Variants in ARHGAP6 observed in about 807,000 individuals in gnomAD.
ARHGAP6 encodes rho GTPase-activating protein 6.
ARHGAP6 carries 16 observed loss-of-function variants against 55.7 expected under a neutral mutation model. The observed-to-expected ratio is 0.29, with a 90% CI of 0.19 to 0.44. The LOEUF is 0.44. Ranked by LOEUF, ARHGAP6 falls within the 20% of genes least tolerant of loss-of-function variation. The probability of loss-of-function intolerance (pLI) is 1.00; values close to 1 mark genes in which losing one functional copy is unlikely to be tolerated. For missense variants in ARHGAP6, 698 were observed against 808.9 expected, an observed-to-expected ratio of 0.86 and a Z score of 1.66; for synonymous variants, 382 against 360.9, an observed-to-expected ratio of 1.06 and a Z score of -0.66.
chrX:11,170,160 C>G (rs1278906855), intron 8 of ARHGAP6, among the ~76,000 whole-genome samples: 5 of 111,586 alleles, frequency 4.5e-5, no homozygotes, highest in African/African-American at 1.6e-4. Context: ...TTAAAGGTCT[C>G]TCATTCTAGG....
chrX:11,257,144 T>A (rs1343778863), intron 1 of ARHGAP6, among the ~76,000 whole-genome samples: 1 of 111,772 alleles, frequency 8.9e-6, no homozygotes, highest in Non-Finnish European at 1.9e-5. Context: ...GGGAATTTTT[T>A]TTATTATTAT....
chrX:11,520,741 A>C (rs1399418919), intron 1 of ARHGAP6, among the ~76,000 whole-genome samples: 1 of 111,624 alleles, frequency 9.0e-6, no homozygotes, highest in African/African-American at 3.3e-5. Flanking sequence ...CGCCACACTG[A>C]CTTCCACAGT....
intron 1 of ARHGAP6, among the ~76,000 whole-genome samples, chrX:11,391,997 G>A (rs1255500272): frequency 8.9e-6 from 1 of 112,125 alleles, no homozygotes; most frequent in East Asian, 2.8e-4. Context: ...GTTGTAAGCT[G>A]GGTGCTATGT....
chrX:11,358,485 C>CT (rs1555998517), intron 1 of ARHGAP6, among the ~76,000 whole-genome samples: 91 of 39,480 alleles, frequency 2.3e-3, no homozygotes, highest in East Asian at 5.2e-3. Flanking sequence ...TTCTTTCTTT[C>CT]TTTTTTTTTT....
At chrX:11,662,023 G>C (rs2052708463) in intron 1 of ARHGAP6, among the ~76,000 whole-genome samples, 1 of 112,150 alleles carries the variant, frequency 8.9e-6, no homozygotes, top group South Asian at 3.7e-4. Context: ...CCAAGGCTGA[G>C]AAACCCTGAG....
intron 2 of ARHGAP6, among the ~76,000 whole-genome samples, chrX:11,231,900 T>C (rs1404096286): frequency 1.8e-5 from 2 of 112,311 alleles, no homozygotes; most frequent in Admixed American, 1.9e-4. Flanking sequence ...ACAATGATGG[T>C]GAGAAGGTTA....
chrX:11,637,041 T>C (rs1328642538), intron 1 of ARHGAP6, among the ~76,000 whole-genome samples: 1 of 111,692 alleles, frequency 9.0e-6, no homozygotes, highest in Non-Finnish European at 1.9e-5. Flanking sequence ...ACATCCAAGT[T>C]GAAATACCTA....
intron 1 of ARHGAP6, among the ~76,000 whole-genome samples, chrX:11,499,966 A>G (rs2050659960): frequency 8.9e-6 from 1 of 112,481 alleles, no homozygotes; most frequent in Non-Finnish European, 1.9e-5. Context: ...AGACTGATTC[A>G]GATACCTAGG....
At chrX:11,363,672 C>A (rs904194838) in intron 1 of ARHGAP6, among the ~76,000 whole-genome samples, 1 of 111,986 alleles carries the variant, frequency 8.9e-6, no homozygotes, top group African/African-American at 3.2e-5. Context: ...ATATCAATGA[C>A]AAATCATTGA....
intron 1 of ARHGAP6, among the ~76,000 whole-genome samples, chrX:11,320,140 T>C (rs1016055935): frequency 2.7e-5 from 3 of 111,848 alleles, no homozygotes; most frequent in Non-Finnish European, 5.6e-5. Context: ...GCTCTGTGGA[T>C]GCCTCTTCAT....
intron 1 of ARHGAP6, among the ~76,000 whole-genome samples, chrX:11,407,689 G>A (rs1331333299): frequency 9.0e-6 from 1 of 111,476 alleles, no homozygotes; most frequent in Non-Finnish European, 1.9e-5. Context: ...TACTATCCTG[G>A]TGGGTGTAAA....
At chrX:11,591,520 C>A (rs990932669) in intron 1 of ARHGAP6, among the ~76,000 whole-genome samples, 2 of 110,747 alleles carry the variant, frequency 1.8e-5, no homozygotes, top group East Asian at 2.8e-4. Context: ...TCAATCCATA[C>A]AATGAAATGC....
intron 1 of ARHGAP6, among the ~76,000 whole-genome samples, chrX:11,322,006 G>A (rs999745063): frequency 4.5e-5 from 5 of 112,090 alleles, no homozygotes; most frequent in Non-Finnish European, 9.4e-5. Context: ...CTGCTGTGAC[G>A]TGACATATGT....
intron 9 of ARHGAP6, among the ~76,000 whole-genome samples, chrX:11,168,816 C>T (rs964873134): frequency 1.8e-5 from 2 of 111,887 alleles, no homozygotes; most frequent in African/African-American, 6.5e-5. Flanking sequence ...GCAAGCAATG[C>T]AGTTTGATGA....
At chrX:11,595,294 GAAAAAA>G (rs200780665) in intron 1 of ARHGAP6, among the ~76,000 whole-genome samples, 1 of 63,610 alleles carries the variant, frequency 1.6e-5, no homozygotes, top group Admixed American at 1.8e-4. Flanking sequence ...TGTCTCAAGA[GAAAAAA>G]AAAAAAAAAA....
At chrX:11,527,278 A>G (rs2050999949) in intron 1 of ARHGAP6, among the ~76,000 whole-genome samples, 1 of 111,437 alleles carries the variant, frequency 9.0e-6, no homozygotes, top group Non-Finnish European at 1.9e-5. Context: ...TGAGTGTTGT[A>G]AAGTTCAAGT....
At chrX:11,213,089 A>G (rs758497039) in intron 2 of ARHGAP6, among the ~76,000 whole-genome samples, 6 of 112,651 alleles carry the variant, frequency 5.3e-5, no homozygotes, top group Non-Finnish European at 9.4e-5. Flanking sequence ...AAAGGAAGCA[A>G]GGAGCCGGGA....
At chrX:11,542,597 G>T (rs2051170067) in intron 1 of ARHGAP6, among the ~76,000 whole-genome samples, 1 of 111,363 alleles carries the variant, frequency 9.0e-6, no homozygotes, top group Non-Finnish European at 1.9e-5. Context: ...AACCATCTAT[G>T]GTTTATGGGT....
intron 1 of ARHGAP6, among the ~76,000 whole-genome samples, chrX:11,651,132 T>C (rs2052579190): frequency 9.0e-6 from 1 of 111,640 alleles, no homozygotes; most frequent in African/African-American, 3.3e-5. Flanking sequence ...GTACTAATCC[T>C]AGGTTCTTTA....
Sources: allele counts gnomAD v4.1 joint callset (sites outside exome capture counted in the v4.1 genomes callset), GRCh38; gene constraint gnomAD v4.1.1; transcripts MANE v1.5; gene names NCBI Gene and HGNC (gene_info 2026-07-23, HGNC 2026-07-21).